Variants in NTM observed in about 807,000 individuals in gnomAD.
NTM encodes the protein IgLON family member 2.
Under a neutral mutation model 42.1 loss-of-function variants are expected in NTM, and 13 were observed. That is an observed-to-expected ratio of 0.31 (90% CI 0.20 to 0.49). The LOEUF is 0.49. Among genes scored for constraint, NTM ranks in the 20% least tolerant of loss-of-function variants. NTM has a pLI of 0.99. For synonymous variants in NTM, 187 were observed against 179.2 expected (o/e 1.04, Z -0.35); for missense variants, 373 against 452.8 (o/e 0.82, Z 1.60).
chr11:132,110,891 A>T (rs529484998), intron 2 of NTM, among the ~76,000 whole-genome samples: 3 of 151,278 alleles, frequency 2.0e-5, no homozygotes, highest in South Asian at 4.2e-4. Flanking sequence ...AATTTAAAAA[A>T]TTTTAAAAAA....
chr11:131,668,438 G>A (rs1418459521), intron 1 of NTM, among the ~76,000 whole-genome samples: 1 of 152,052 alleles, frequency 6.6e-6, no homozygotes, highest in Non-Finnish European at 1.5e-5. Flanking sequence ...TAAGTGGTTG[G>A]GCTGTGGCCC....
In NTM at chr11:132,146,803, G is replaced by T; in HGVS notation, c.400+289G>T. The T allele has an allele frequency of 2.6e-6, 1 of 391,370 alleles. No individual in the cohort carries two copies. The highest frequency in any genetic ancestry group is 4.5e-6 in the Non-Finnish European group (1 of 221,118). 24.2% of individuals were successfully genotyped at this position (391,370 alleles called of 1,614,324 possible). A position where few individuals can be genotyped will look rare whatever the true frequency, so the allele number is the denominator to read the frequency against. On this transcript the variant is annotated intron_variant, in intron 3 of 8. Transcript: ENST00000683400. The surrounding 1 kb of genome is among the most constrained non-coding windows in gnomAD (Gnocchi z 4.5). ...TGGCTTTTTTCTCCCCTAAGTTTTAGTTATTTTTGTTTGTTTGTTTTTTGT... is the reference window on the plus strand; with the variant it reads ...TGGCTTTTTTCTCCCCTAAGTTTTATTTATTTTTGTTTGTTTGTTTTTTGT...
At chr11:131,584,195 T>A (rs1198592383) in intron 1 of NTM, among the ~76,000 whole-genome samples, 1 of 152,176 alleles carries the variant, frequency 6.6e-6, no homozygotes, top group Non-Finnish European at 1.5e-5. Flanking sequence ...CCTGTGCTTT[T>A]CCTAAGGACT....
chr11:132,145,251 G>A (rs1169796141), intron 2 of NTM, among the ~76,000 whole-genome samples: 2 of 152,244 alleles, frequency 1.3e-5, no homozygotes, highest in South Asian at 2.1e-4. Flanking sequence ...GGGTAAGAGT[G>A]TCAACCTCAT....
intron 1 of NTM, among the ~76,000 whole-genome samples, chr11:131,437,252 T>C (rs1159071738): frequency 6.6e-6 from 1 of 152,246 alleles, no homozygotes; most frequent in Non-Finnish European, 1.5e-5. Flanking sequence ...GAGAAGAATG[T>C]ATATTCTGTT....
intron 1 of NTM, among the ~76,000 whole-genome samples, chr11:131,762,905 G>A (rs537867417): frequency 1.1e-3 from 174 of 152,306 alleles, no homozygotes; most frequent in Non-Finnish European, 1.9e-3. Context: ...CATTGTCACC[G>A]CTGAGCGATG....
At chr11:131,518,051 A>G (rs1371929804) in intron 1 of NTM, among the ~76,000 whole-genome samples, 1 of 152,206 alleles carries the variant, frequency 6.6e-6, no homozygotes, top group Non-Finnish European at 1.5e-5. Context: ...TCACACGCAT[A>G]ACCCCATTTG....
intron 1 of NTM, among the ~76,000 whole-genome samples, chr11:131,898,229 G>A (rs676025): frequency 2.6e-5 from 4 of 151,996 alleles, no homozygotes; most frequent in Admixed American, 2.0e-4. Context: ...GGGAAAGCAC[G>A]CCAGTTCTCT....
chr11:131,379,943 C>T (rs190423081), intron 1 of NTM, among the ~76,000 whole-genome samples: 7 of 152,290 alleles, frequency 4.6e-5, no homozygotes, highest in Non-Finnish European at 7.3e-5. Context: ...TATAGCTTCT[C>T]CTGATTCCAA....
chr11:132,189,819 T>C (rs772762739), intron 3 of NTM, among the ~76,000 whole-genome samples: 3 of 152,210 alleles, frequency 2.0e-5, no homozygotes, highest in Non-Finnish European at 4.4e-5. Context: ...TGTGATTCGG[T>C]TTATGCATAC....
intron 3 of NTM, among the ~76,000 whole-genome samples, chr11:132,195,168 G>A (rs1447783728): frequency 6.6e-6 from 1 of 151,768 alleles, no homozygotes; most frequent in Non-Finnish European, 1.5e-5. Flanking sequence ...AAGCTGAGAG[G>A]CAAATCAAAA....
At chr11:131,975,491 A>C (rs1430087645) in intron 2 of NTM, among the ~76,000 whole-genome samples, 1 of 152,002 alleles carries the variant, frequency 6.6e-6, no homozygotes, top group Non-Finnish European at 1.5e-5. Context: ...TCTTGCCTTC[A>C]ATGGAAAGCC....
chr11:132,204,149 A>G (rs796578487), intron 3 of NTM, among the ~76,000 whole-genome samples: 6 of 152,166 alleles, frequency 3.9e-5, no homozygotes, highest in South Asian at 4.1e-4. Context: ...GAGAATATCT[A>G]TTTGTGGGGT....
At chr11:131,494,036 A>G (rs1016625489) in intron 1 of NTM, among the ~76,000 whole-genome samples, 10 of 152,244 alleles carry the variant, frequency 6.6e-5, no homozygotes, top group African/African-American at 2.2e-4. Context: ...TTTATCAAGT[A>G]CTGTACTCAA....
intron 1 of NTM, among the ~76,000 whole-genome samples, chr11:131,566,597 G>A (rs73580268): frequency 0.038 from 5,801 of 152,270 alleles, 329 homozygotes; most frequent in African/African-American, 0.13. Flanking sequence ...TGAGCCACCC[G>A]TGCCAACTCC....
At chr11:132,093,921 C>T (rs1005432063) in intron 2 of NTM, among the ~76,000 whole-genome samples, 5 of 152,150 alleles carry the variant, frequency 3.3e-5, no homozygotes, top group South Asian at 2.1e-4. Context: ...CCAATTAAAT[C>T]CGGTAGTTTC....
At chr11:131,901,607 A>G (rs1784813) in intron 1 of NTM, among the ~76,000 whole-genome samples, 1 of 152,098 alleles carries the variant, frequency 6.6e-6, no homozygotes, top group Admixed American at 6.6e-5. Flanking sequence ...GAAACATGTC[A>G]ATCTACCCTT....
chr11:132,155,511 G>A (rs1242622126), intron 3 of NTM, among the ~76,000 whole-genome samples: 5 of 152,180 alleles, frequency 3.3e-5, no homozygotes, highest in East Asian at 1.9e-4. Flanking sequence ...GTCGCATCCC[G>A]TTTCTCCAGC....
intron 4 of NTM, among the ~76,000 whole-genome samples, chr11:132,253,882 C>T (rs1591550581): frequency 6.6e-6 from 1 of 152,212 alleles, no homozygotes; most frequent in East Asian, 1.9e-4. Flanking sequence ...GCTGTCCTTT[C>T]CATCTGCATA....
Sources: allele counts gnomAD v4.1 joint callset (sites outside exome capture counted in the v4.1 genomes callset), GRCh38; gene constraint gnomAD v4.1.1; non-coding constraint Gnocchi (gnomAD v3.1); transcripts MANE v1.5; gene names NCBI Gene and HGNC (gene_info 2026-07-23, HGNC 2026-07-21).